Variants in AGBL4 observed in about 807,000 individuals in gnomAD.
AGBL4 encodes the protein AGBL carboxypeptidase 4.
In AGBL4, 58 loss-of-function variants were observed where a neutral mutation model predicts 66.4. The observed-to-expected ratio is 0.87, with a 90% CI of 0.71 to 1.09. AGBL4 has a LOEUF of 1.09. Among genes scored for constraint, AGBL4 ranks in the 50% least tolerant of loss-of-function variants. The pLI is 0.00. For missense variants in AGBL4, 579 were observed against 631.0 expected (o/e 0.92, Z 0.88); for synonymous variants, 234 against 222.9 (o/e 1.05, Z -0.44).
intron 5 of AGBL4, among the ~76,000 whole-genome samples, chr1:48,880,997 A>G (rs1395378222): frequency 6.6e-6 from 1 of 152,198 alleles, no homozygotes; most frequent in Non-Finnish European, 1.5e-5. Context: ...TAAGACATTT[A>G]GACTGTTATT....
intron 4 of AGBL4, among the ~76,000 whole-genome samples, chr1:49,230,156 C>G (rs1650202811): frequency 6.6e-6 from 1 of 152,172 alleles, no homozygotes; most frequent in African/African-American, 2.4e-5. Context: ...AGAGGAGACT[C>G]AAGTCCCAGA....
intron 2 of AGBL4, among the ~76,000 whole-genome samples, chr1:49,807,609 AC>A (rs1346869713): frequency 6.6e-6 from 1 of 152,130 alleles, no homozygotes; most frequent in African/African-American, 2.4e-5. Flanking sequence ...TGGACTTTTG[AC>A]TTTTGAGTTG....
chr1:49,565,046 C>T (rs1644158188), intron 3 of AGBL4, among the ~76,000 whole-genome samples: 1 of 152,186 alleles, frequency 6.6e-6, no homozygotes, highest in African/African-American at 2.4e-5. Context: ...GAATTGATCC[C>T]TTTACCATTA....
intron 4 of AGBL4, among the ~76,000 whole-genome samples, chr1:49,241,625 A>G (rs1651244115): frequency 6.6e-6 from 1 of 151,998 alleles, no homozygotes; most frequent in African/African-American, 2.4e-5. Context: ...CTCTCTTGTC[A>G]CTGTTATGTT....
intron 3 of AGBL4, 117 bp downstream of exon 3, chr1:49,697,196 C>T (rs1558170711): frequency 1.3e-5 from 16 of 1,186,826 alleles, no homozygotes; most frequent in Non-Finnish European, 1.8e-5. Flanking sequence ...TGTATCATTG[C>T]TGTGGATAAA....
intron 2 of AGBL4, among the ~76,000 whole-genome samples, chr1:49,771,442 A>AT (rs1276289013): frequency 1.3e-5 from 2 of 152,088 alleles, no homozygotes; most frequent in African/African-American, 2.4e-5. Flanking sequence ...AGAATGCTCC[A>AT]TGAGTGGTTG....
At chr1:49,381,067 C>A (rs368652109) in intron 3 of AGBL4, among the ~76,000 whole-genome samples, 43 of 152,158 alleles carry the variant, frequency 2.8e-4, no homozygotes, top group South Asian at 6.2e-4. Flanking sequence ...CAACCTACAA[C>A]ATGGGAGAAA....
At chr1:48,905,772 C>T (rs2148874563) in intron 5 of AGBL4, among the ~76,000 whole-genome samples, 1 of 152,294 alleles carries the variant, frequency 6.6e-6, no homozygotes, top group East Asian at 1.9e-4. Flanking sequence ...ATCCACCATT[C>T]TAAGTATTAT....
intron 5 of AGBL4, among the ~76,000 whole-genome samples, chr1:48,903,147 T>C (rs1652250223): frequency 1.3e-5 from 2 of 152,238 alleles, no homozygotes; most frequent in Admixed American, 1.3e-4. Flanking sequence ...CAAATATTTC[T>C]CTAATTGGAA....
chr1:49,671,882 T>C (rs1011743240), intron 3 of AGBL4, among the ~76,000 whole-genome samples: 1 of 152,170 alleles, frequency 6.6e-6, no homozygotes, highest in Non-Finnish European at 1.5e-5. Context: ...TATACACTGT[T>C]GATGGGAGTG....
intron 4 of AGBL4, among the ~76,000 whole-genome samples, chr1:49,157,117 G>A (rs1324249373): frequency 1.3e-5 from 2 of 151,598 alleles, no homozygotes; most frequent in Non-Finnish European, 2.9e-5. Context: ...TAAGTTCTAG[G>A]GTATATGTGC....
At chr1:49,785,925 G>A (rs1216426850) in intron 2 of AGBL4, among the ~76,000 whole-genome samples, 4 of 149,094 alleles carry the variant, frequency 2.7e-5, no homozygotes, top group African/African-American at 9.9e-5. Context: ...TATTTCCTGA[G>A]GCTAGACCCA....
intron 1 of AGBL4, among the ~76,000 whole-genome samples, chr1:49,910,260 T>C (rs1202186785): frequency 6.6e-6 from 1 of 152,132 alleles, no homozygotes; most frequent in East Asian, 1.9e-4. Flanking sequence ...AGCTAAGAGA[T>C]GAAACAGTTT....
At chr1:49,767,449 G>A (rs944813054) in intron 2 of AGBL4, among the ~76,000 whole-genome samples, 9 of 151,968 alleles carry the variant, frequency 5.9e-5, no homozygotes, top group African/African-American at 2.2e-4. Context: ...TCTGAAATGT[G>A]GTGAAAGCAG....
At chr1:48,885,010 A>C (rs557696373) in intron 5 of AGBL4, among the ~76,000 whole-genome samples, 1 of 150,786 alleles carries the variant, frequency 6.6e-6, no homozygotes, top group South Asian at 2.1e-4. Context: ...AAAAAGCAAC[A>C]GGGGAAAAGA....
intron 2 of AGBL4, among the ~76,000 whole-genome samples, chr1:49,718,804 A>G (rs1295137895): frequency 5.3e-5 from 8 of 152,022 alleles, no homozygotes. Context: ...CCTGTAAAAA[A>G]CATTTCCCTC....
chr1:49,699,797 G>A (rs1345693711), intron 2 of AGBL4, among the ~76,000 whole-genome samples: 1 of 151,834 alleles, frequency 6.6e-6, no homozygotes. Context: ...AGTTATGTAT[G>A]ATGACTAAAC....
chr1:49,917,576 T>TCATAAAGCAAGTCC (rs1363923745), intron 1 of AGBL4, among the ~76,000 whole-genome samples: 3 of 152,138 alleles, frequency 2.0e-5, no homozygotes, highest in African/African-American at 7.2e-5. Context: ...GCACCAAGAT[T>TCATAAAGCAAGTCC]CATAAAGCAA....
intron 4 of AGBL4, among the ~76,000 whole-genome samples, chr1:49,220,840 C>G (rs185724639): frequency 6.6e-6 from 1 of 152,064 alleles, no homozygotes; most frequent in Admixed American, 6.6e-5. Flanking sequence ...TTACCTATGC[C>G]ATAGGTTTGC....
Sources: allele counts gnomAD v4.1 joint callset (sites outside exome capture counted in the v4.1 genomes callset), GRCh38; gene constraint gnomAD v4.1.1; transcripts MANE v1.5; gene names NCBI Gene and HGNC (gene_info 2026-07-23, HGNC 2026-07-21).